Variants in PRKAR1A observed in about 807,000 individuals in gnomAD.
The protein encoded by PRKAR1A is cAMP-dependent protein kinase type I-alpha regulatory subunit.
In PRKAR1A, 3 loss-of-function variants were observed where a neutral mutation model predicts 52.0. That is an observed-to-expected ratio of 0.06 (90% CI 0.03 to 0.15). PRKAR1A has a LOEUF of 0.15. PRKAR1A is among the 10% of genes least tolerant of loss of function. PRKAR1A has a pLI of 1.00. For missense variants in PRKAR1A, 240 were observed against 477.4 expected (o/e 0.50, Z 4.63); for synonymous variants, 188 against 168.4 (o/e 1.12, Z -0.90).
At chr17:68,539,065 G>A (rs1347096651) in intron 11 of PRKAR1A, among the ~76,000 whole-genome samples, 1 of 152,184 alleles carries the variant, frequency 6.6e-6, no homozygotes, top group African/African-American at 2.4e-5. Context: ...GTGGATAGCT[G>A]TGTATATAAA....
chr17:68,435,763 G>A, the PRKAR1A span: 1 of 1,510,926 alleles, frequency 6.6e-7, no homozygotes, highest in Non-Finnish European at 9.2e-7. Flanking sequence ...GAGGGAAGAT[G>A]GATTTCACCT....
At chr17:68,421,477 C>A in the PRKAR1A span, 1 of 392,308 alleles carries the variant, frequency 2.5e-6, no homozygotes, top group African/African-American at 2.0e-5. Flanking sequence ...AAAGGAGGCC[C>A]CTTTTAATAT....
At chr17:68,450,942 C>A in the PRKAR1A span, 1 of 1,576,806 alleles carries the variant, frequency 6.3e-7, no homozygotes, top group Non-Finnish European at 8.6e-7. Flanking sequence ...TGATCACTTC[C>A]AAGAAGGATT....
At chr17:68,547,101 T>G (rs1259379091) in intron 11 of PRKAR1A, among the ~76,000 whole-genome samples, 2 of 152,062 alleles carry the variant, frequency 1.3e-5, no homozygotes, top group Admixed American at 6.6e-5. Flanking sequence ...TGTGTGGTCA[T>G]CCAGGCTTTG....
the PRKAR1A span, chr17:68,493,546 C>G: frequency 6.6e-6 from 1 of 152,060 alleles, no homozygotes; most frequent in Non-Finnish European, 1.5e-5. Flanking sequence ...ACTTTGTCTC[C>G]TTGCCAAACT....
At chr17:68,551,205 G>C in exon 12 of PRKAR1A, 1 of 1,092,506 alleles carries the variant, frequency 9.2e-7, no homozygotes, top group African/African-American at 1.6e-5. Flanking sequence ...CTCACACCAA[G>C]CTCTGTCTAA....
the PRKAR1A span, among the ~76,000 whole-genome samples, chr17:68,504,664 C>T: frequency 6.6e-6 from 1 of 152,078 alleles, no homozygotes; most frequent in East Asian, 1.9e-4. Context: ...AGATAGAGAG[C>T]AGAAGGATGG....
chr17:68,543,344 C>A (rs1317731297), intron 11 of PRKAR1A, among the ~76,000 whole-genome samples: 1 of 152,152 alleles, frequency 6.6e-6, no homozygotes, highest in Non-Finnish European at 1.5e-5. Context: ...ATTCTCCTCG[C>A]TCTCAGATCA....
the PRKAR1A span, chr17:68,428,716 G>A: frequency 3.8e-6 from 3 of 788,342 alleles, no homozygotes; most frequent in South Asian, 1.6e-5. Flanking sequence ...CACTGAGACT[G>A]CCAGTGAAGA....
chr17:68,427,151 T>C, the PRKAR1A span: 1 of 1,614,002 alleles, frequency 6.2e-7, no homozygotes, highest in Non-Finnish European at 8.5e-7. Context: ...CCGTGGAGGC[T>C]GAAGATGCAC....
the PRKAR1A span, among the ~76,000 whole-genome samples, chr17:68,435,099 C>T: frequency 3.3e-5 from 5 of 151,506 alleles, no homozygotes; most frequent in Non-Finnish European, 2.9e-5. Flanking sequence ...CTCAGCTACT[C>T]GGGAGGCTGA....
intron 11 of PRKAR1A, chr17:68,540,406 G>T: frequency 2.2e-6 from 1 of 453,946 alleles, no homozygotes; most frequent in Non-Finnish European, 4.4e-6. Context: ...CTAAGCTCCT[G>T]TATGACGGCC....
the PRKAR1A span, among the ~76,000 whole-genome samples, chr17:68,465,211 C>T: frequency 4.8e-4 from 73 of 152,194 alleles, 1 homozygote; most frequent in Middle Eastern, 0.014. Flanking sequence ...GGATTACAGG[C>T]GTGAGCCACC....
chr17:68,489,203 T>TGG, the PRKAR1A span, among the ~76,000 whole-genome samples: 8 of 48,618 alleles, frequency 1.6e-4, 1 homozygote, highest in African/African-American at 6.7e-4. Flanking sequence ...TATATATATA[T>TGG]ATATATATAT....
the PRKAR1A span, chr17:68,420,484 G>C: frequency 6.2e-7 from 1 of 1,600,726 alleles, no homozygotes; most frequent in Non-Finnish European, 8.5e-7. Context: ...TTTATTCCAC[G>C]AGGAGGAGTA....
Position 68,529,559 on chromosome 17 carries a change from C to T in PRKAR1A, c.892-361C>T, listed in dbSNP as rs55927001. Among the ~76,000 whole-genome samples, 699 of 152,244 alleles carry T rather than the reference C, an allele frequency of 4.6e-3. 9 individuals are homozygous for T. Among genetic ancestry groups the T allele is most frequent in the African/African-American group, 0.016 (685 of 41,530 alleles). On this transcript the variant is annotated intron_variant, in intron 9 of 10. Transcript: ENST00000589228. ...GCTTTGTGGACCATAGGGTTTCATT[C>T]GCAAAGTCTCAACTCTTGTCATAGT...
the PRKAR1A span, among the ~76,000 whole-genome samples, chr17:68,433,760 G>GT: frequency 0.01 from 758 of 72,806 alleles, 105 homozygotes; most frequent in Middle Eastern, 0.019. Flanking sequence ...AAGGGTCATA[G>GT]TTTTTTTTTT....
At chr17:68,542,594 G>C (rs978044594) in intron 11 of PRKAR1A, 4 of 894,850 alleles carry the variant, frequency 4.5e-6, no homozygotes, top group Non-Finnish European at 7.5e-6. Context: ...GTAATGGATA[G>C]TGCTAGCAGC....
chr17:68,486,550 TTTCTTTCTTTCTTTCTTTC>T, the PRKAR1A span, among the ~76,000 whole-genome samples: 15 of 142,318 alleles, frequency 1.1e-4, no homozygotes, highest in African/African-American at 3.9e-4. Context: ...TCTTTCTTTC[TTTCTTTCTTTCTTTCTTTC>T]TTCTTTCCTT....
Sources: allele counts gnomAD v4.1 joint callset (sites outside exome capture counted in the v4.1 genomes callset), GRCh38; gene constraint gnomAD v4.1.1; transcripts MANE v1.5; gene names NCBI Gene and HGNC (gene_info 2026-07-23, HGNC 2026-07-21).